ZNF280D: variants seen among roughly 807,000 people sequenced by gnomAD.
ZNF280D encodes suppressor of hairy wing homolog 4.
ZNF280D carries 39 observed loss-of-function variants against 94.7 expected under a neutral mutation model. The ratio of observed to expected loss-of-function variants is 0.41; its 90% CI spans 0.32 to 0.54. ZNF280D has a LOEUF of 0.54. Among genes scored for constraint, ZNF280D ranks in the 20% least tolerant of loss-of-function variants. The pLI, the probability that ZNF280D is intolerant of heterozygous loss-of-function variation, is 0.22. For missense variants in ZNF280D, 1,090 were observed against 1,149.3 expected (o/e 0.95, Z 0.75); for synonymous variants, 398 against 377.6 (o/e 1.05, Z -0.63).
chr15:56,700,416 TTATACA>T, intron 6 of ZNF280D: 1 of 688,742 alleles, frequency 1.5e-6, no homozygotes, highest in Non-Finnish European at 1.8e-6. Flanking sequence ...GCACAAACAC[TTATACA>T]TATTAACAGC....
intron 20 of ZNF280D, among the ~76,000 whole-genome samples, chr15:56,642,573 T>G (rs2140556013): frequency 6.6e-6 from 1 of 151,896 alleles, no homozygotes; most frequent in African/African-American, 2.4e-5. Context: ...AAAAATTAGT[T>G]TAACCTTTTG....
At chr15:56,672,352 C>A (rs1159523990) in intron 13 of ZNF280D, among the ~76,000 whole-genome samples, 1 of 152,028 alleles carries the variant, frequency 6.6e-6, no homozygotes, top group African/African-American at 2.4e-5. Context: ...GAGGTATGTT[C>A]CCTCAGTACC....
intron 19 of ZNF280D, chr15:56,653,863 C>A: frequency 8.1e-7 from 1 of 1,236,564 alleles, no homozygotes; most frequent in South Asian, 2.9e-5. Flanking sequence ...TAAGATATGT[C>A]AACCTGACAC....
At chr15:56,720,973 G>GGGCT (rs71113018) in intron 1 of ZNF280D, among the ~76,000 whole-genome samples, 4 of 98,586 alleles carry the variant, frequency 4.1e-5, no homozygotes, top group Non-Finnish European at 6.5e-5. Flanking sequence ...TTTTTTTTGG[G>GGGCT]GGGGGGGGGG....
chr15:56,659,604 G>A (rs774281886), intron 16 of ZNF280D, among the ~76,000 whole-genome samples: 3 of 152,010 alleles, frequency 2.0e-5, no homozygotes, highest in Middle Eastern at 3.4e-3. Flanking sequence ...CACATAGAGC[G>A]TAATACTATC....
Position 56,658,419 on chromosome 15 carries a change from G to A in ZNF280D, c.2057+5C>T, listed in dbSNP as rs199681594. On this transcript the variant is annotated splice_donor_5th_base_variant and intron_variant, in intron 17 of 21. Transcript: ENST00000267807. The stretch of plus-strand genomic sequence containing the variant: ...AGAAAGAGTAAAAAAAGATCAACTA[G>A]TTACCGGAGATTTTCTGAATGCTTC... The A allele has an allele frequency of 3.7e-5, 59 of 1,584,098 alleles. 1 individual carries two copies. The East Asian group carries it at 1.2e-3, about 31-fold the overall frequency.
chr15:56,668,077 T>C (rs539787612), intron 14 of ZNF280D: 9 of 441,790 alleles, frequency 2.0e-5, no homozygotes, highest in South Asian at 1.3e-4. Context: ...CTTGCTATCA[T>C]GTCTTCAGAG....
rs2055319645 is a variant in ZNF280D at position 56,677,630 on chromosome 15, G to T, written c.1207C>A (p.Leu403Ile). Residue 403 changes from leucine (L) to isoleucine (I), a missense_variant, in exon 12 of 22, where the codon CTT becomes ATT. Leu to Ile is a conservative substitution (Grantham distance 5). Transcript: ENST00000267807. ...TGATTGTCCTTCATATGTTGTAAAA[G>T]AACATGTTCTGTTTCAAATGACAAT... is the stretch of plus-strand genomic sequence containing the variant. ...CELSFETEHV[L>I]LQHMKDNHKP... 6.2e-7 allele frequency: 1 copy of T among 1,607,688 alleles called. No individual in the cohort carries two copies. The highest frequency in any genetic ancestry group is 8.5e-7 in the Non-Finnish European group (1 of 1,176,924).
intron 1 of ZNF280D, chr15:56,724,872 G>T (rs949088614): frequency 2.2e-6 from 1 of 454,378 alleles, no homozygotes; most frequent in Non-Finnish European, 4.4e-6. Context: ...AACGTTGTCA[G>T]ATCTATTTTT....
chr15:56,647,252 G>A (rs2052945361), intron 19 of ZNF280D, among the ~76,000 whole-genome samples: 1 of 152,162 alleles, frequency 6.6e-6, no homozygotes, highest in Non-Finnish European at 1.5e-5. Context: ...GGTTTAGGGA[G>A]ATGAGAACAA....
intron 1 of ZNF280D, among the ~76,000 whole-genome samples, chr15:56,710,987 T>G (rs2057730972): frequency 6.6e-6 from 1 of 152,202 alleles, no homozygotes; most frequent in Admixed American, 6.5e-5. Context: ...TTCTGCCAAG[T>G]CATCTTCAAT....
intron 16 of ZNF280D, among the ~76,000 whole-genome samples, chr15:56,665,127 A>T (rs1304274670): frequency 6.6e-6 from 1 of 152,230 alleles, no homozygotes. Context: ...CAGGCCAACC[A>T]TGAAGACATG....
intron 1 of ZNF280D, among the ~76,000 whole-genome samples, chr15:56,707,936 A>G (rs1165155702): frequency 6.6e-6 from 1 of 152,018 alleles, no homozygotes; most frequent in African/African-American, 2.4e-5. Flanking sequence ...ATGCTGTTAG[A>G]ATAAACATTT....
chr15:56,674,544 G>T (rs1232598829), intron 13 of ZNF280D, among the ~76,000 whole-genome samples: 2 of 151,994 alleles, frequency 1.3e-5, no homozygotes, highest in African/African-American at 2.4e-5. Context: ...AGCAGTAAAA[G>T]CTTGGATGCT....
At position 56,642,952 on chromosome 15, in the gene ZNF280D, C is replaced by A; in HGVS notation, c.2259G>T (p.Lys753Asn). The stretch of plus-strand genomic sequence containing the variant: ...AGGTATAAAGTAAAACAAACTTTAC[C>A]TTAGACACAGGTTCTTGTTCCTTTG... ...APAKEQEPVS[K>N]EIARPNMAER... is the part of the protein sequence containing the mutation. Residue 753 changes from lysine (K) to asparagine (N), a missense_variant and splice_region_variant, in exon 20 of 22, where the codon AAG (lysine) becomes AAT (asparagine). Lys to Asn is a moderately conservative substitution (Grantham distance 94). Coordinates refer to ENST00000267807, the MANE Select transcript of ZNF280D (RefSeq NM_017661.4). 2 of 1,500,864 alleles carry A rather than the reference C, an allele frequency of 1.3e-6. No individual in the cohort carries two copies. The highest frequency in any genetic ancestry group is 1.8e-6 in the Non-Finnish European group (2 of 1,128,842). The allele number at this position is 1,500,864 out of a possible 1,614,324, so 93.0% of individuals were successfully genotyped here.
chr15:56,669,891 T>TATATA lies in ZNF280D; in HGVS notation c.1411-939_1411-935dup, dbSNP rs2054601613. ...ATATATTTTATATATATATATATTA[T>TATATA]ATATATATATAATATATATATATTA... On this transcript the variant is annotated intron_variant, in intron 13 of 21. Coordinates refer to ENST00000267807, the MANE Select transcript of ZNF280D (RefSeq NM_017661.4). Among the ~76,000 whole-genome samples, 8 of 8,154 alleles carry TATATA rather than the reference T, an allele frequency of 9.8e-4. 4 individuals are homozygous for TATATA. In the Admixed American group the frequency reaches 0.026, roughly 27 times the overall value. The allele number at this position is 8,154 out of a possible 152,430, so 5.3% of individuals were successfully genotyped here. A position where few individuals can be genotyped will look rare whatever the true frequency, so the allele number is the denominator to read the frequency against.
intron 1 of ZNF280D, among the ~76,000 whole-genome samples, chr15:56,715,541 T>C (rs937164151): frequency 6.6e-6 from 1 of 152,078 alleles, no homozygotes; most frequent in Non-Finnish European, 1.5e-5. Context: ...GTGTGCAGAT[T>C]CAATTTATGC....
At chr15:56,732,033 G>A (rs2058918283) in intron 1 of ZNF280D, among the ~76,000 whole-genome samples, 1 of 152,110 alleles carries the variant, frequency 6.6e-6, no homozygotes. Flanking sequence ...CAACGAAAGG[G>A]CAACTGAGTA....
chr15:56,678,633 T>C (rs757901727), intron 11 of ZNF280D, 31 bp downstream of exon 11: 2 of 1,496,218 alleles, frequency 1.3e-6, no homozygotes. Context: ...AAATCAATAA[T>C]ATGGAATATT....
Sources: allele counts gnomAD v4.1 joint callset (sites outside exome capture counted in the v4.1 genomes callset), GRCh38; gene constraint gnomAD v4.1.1; transcripts MANE v1.5; gene names NCBI Gene and HGNC (gene_info 2026-07-23, HGNC 2026-07-21).